Variants in GIMD1 observed in about 807,000 individuals in gnomAD.
GIMD1 encodes the protein GTPase IMAP family member GIMD1.
Under a neutral mutation model 14.9 loss-of-function variants are expected in GIMD1, and 14 were observed. The ratio of observed to expected loss-of-function variants is 0.94; its 90% CI spans 0.62 to 1.47. The LOEUF is 1.47. Among genes scored for constraint, GIMD1 ranks in the 40% most tolerant of loss-of-function variants. GIMD1 has a pLI of 0.00. For missense variants in GIMD1, 272 were observed against 255.3 expected, an observed-to-expected ratio of 1.07 and a Z score of -0.44; for synonymous variants, 91 against 90.5, an observed-to-expected ratio of 1.01 and a Z score of -0.03.
intron 2 of GIMD1, among the ~76,000 whole-genome samples, chr4:106,363,839 G>A (rs1770650832): frequency 7.5e-6 from 1 of 132,682 alleles, no homozygotes; most frequent in South Asian, 2.6e-4. Context: ...AAAAGTACAT[G>A]CTTGAAACTT....
chr4:106,367,068 ACTT>A lies in GIMD1; in HGVS notation c.365_367del (p.Glu122del). ...CTGGATCATCTGGACTGGGTCAGTT[ACTT>A]CCTGCCCACAGAAAGGCACATCTGC... is the stretch of plus-strand genomic sequence containing the variant. On this transcript the variant is annotated inframe_deletion, in exon 2 of 3. Transcript: ENST00000638719. The A allele has an allele frequency of 6.5e-7, 1 of 1,531,456 alleles. No individual in the cohort carries two copies. The highest frequency in any genetic ancestry group is 8.7e-7 in the Non-Finnish European group (1 of 1,144,414). 94.9% of individuals were successfully genotyped at this position (1,531,456 alleles called of 1,614,324 possible).
At chr4:106,360,228 C>T (rs1770593511) in intron 2 of GIMD1, among the ~76,000 whole-genome samples, 1 of 151,556 alleles carries the variant, frequency 6.6e-6, no homozygotes, top group Non-Finnish European at 1.5e-5. Flanking sequence ...AGGAATAGGC[C>T]CAAACTTTTT....
intron 2 of GIMD1, among the ~76,000 whole-genome samples, chr4:106,365,129 A>G (rs1770675728): frequency 6.6e-6 from 1 of 152,172 alleles, no homozygotes; most frequent in African/African-American, 2.4e-5. Context: ...CTGTCTAAAG[A>G]TTATACTGGT....
chr4:106,366,918 T>G, intron 2 of GIMD1, 125 bp downstream of exon 2: 1 of 306,680 alleles, frequency 3.3e-6, no homozygotes, highest in Admixed American at 5.2e-5. Flanking sequence ...TAAATTATTA[T>G]GTACTATATT....
At chr4:106,364,618 G>A (rs1176028662) in intron 2 of GIMD1, among the ~76,000 whole-genome samples, 2 of 152,176 alleles carry the variant, frequency 1.3e-5, no homozygotes, top group Admixed American at 6.5e-5. Flanking sequence ...GAATAGGTCT[G>A]CAGTGCTCCC....
Position 106,358,288 on chromosome 4 carries a change from G to GA in GIMD1, c.548dup (p.Gln184ProfsTer10). 6.5e-7 allele frequency: 1 copy of GA among 1,531,384 alleles called. No individual in the cohort carries two copies. The highest frequency in any genetic ancestry group is 8.7e-7 in the Non-Finnish European group (1 of 1,144,640). The allele number at this position is 1,531,384 out of a possible 1,614,324, so 94.9% of individuals were successfully genotyped here. A position where few individuals can be genotyped will look rare whatever the true frequency, so the allele number is the denominator to read the frequency against. ...TGAGTGATTTTCCTTTTTTGTACTG[G>GA]AAAACGTATTTGTGCTGAATAGAAT... is the stretch of plus-strand genomic sequence containing the variant. On this transcript the variant is annotated frameshift_variant, in exon 3 of 3. Transcript: ENST00000638719. LOFTEE classifies it high-confidence loss of function.
At chr4:106,360,642 C>A (rs1414231670) in intron 2 of GIMD1, among the ~76,000 whole-genome samples, 2 of 151,970 alleles carry the variant, frequency 1.3e-5, no homozygotes, top group Non-Finnish European at 2.9e-5. Context: ...GAAATAGGGT[C>A]ATTGCAAATA....
At chr4:106,360,393 A>G (rs1344915923) in intron 2 of GIMD1, among the ~76,000 whole-genome samples, 1 of 152,082 alleles carries the variant, frequency 6.6e-6, no homozygotes, top group Non-Finnish European at 1.5e-5. Context: ...TAAATTTTTA[A>G]AAAATTAGTA....
intron 2 of GIMD1, among the ~76,000 whole-genome samples, chr4:106,366,208 A>T (rs1466461794): frequency 1.3e-5 from 2 of 152,182 alleles, no homozygotes; most frequent in African/African-American, 4.8e-5. Context: ...TGATAAGGCA[A>T]GCAAAGAATC....
At chr4:106,367,772 GAGTTGGTT>G (rs1454219763) in intron 1 of GIMD1, among the ~76,000 whole-genome samples, 1 of 152,226 alleles carries the variant, frequency 6.6e-6, no homozygotes, top group Non-Finnish European at 1.5e-5. Context: ...TGTGGTAGGT[GAGTTGGTT>G]TAGGAAAAGG....
In GIMD1 at chr4:106,367,320, G is replaced by A; in HGVS notation, c.116C>T (p.Ala39Val). 6.5e-7 allele frequency: 1 copy of A among 1,536,014 alleles called. No homozygotes were observed. Among genetic ancestry groups the A allele is most frequent in the Non-Finnish European group, 8.7e-7 (1 of 1,146,852 alleles). ...LGSTDFHSSF[A>V]PCSVTTCCSL... ...ACAACATGTGGTCACAGAACAGGGAGCAAAGCTGCTGTGAAAGTCTGTGCT... is the reference window on the plus strand; with the variant it reads ...ACAACATGTGGTCACAGAACAGGGAACAAAGCTGCTGTGAAAGTCTGTGCT... Residue 39 changes from alanine to valine, a missense_variant, in exon 2 of 3, where the codon GCT becomes GTT. Transcript: ENST00000638719.
At chr4:106,360,931 T>G (rs983130902) in intron 2 of GIMD1, among the ~76,000 whole-genome samples, 5 of 151,968 alleles carry the variant, frequency 3.3e-5, no homozygotes, top group Non-Finnish European at 4.4e-5. Flanking sequence ...TTGTGGTACT[T>G]TGTTACAGGA....
At chr4:106,363,076 AT>A (rs1193579120) in intron 2 of GIMD1, among the ~76,000 whole-genome samples, 2 of 152,096 alleles carry the variant, frequency 1.3e-5, no homozygotes, top group Non-Finnish European at 2.9e-5. Flanking sequence ...GTTACTTCTT[AT>A]GTTTATAAAT....
At chr4:106,360,285 A>G (rs1770594339) in intron 2 of GIMD1, among the ~76,000 whole-genome samples, 1 of 152,056 alleles carries the variant, frequency 6.6e-6, no homozygotes. Context: ...CCATAGAATA[A>G]CTGCATATTT....
At chr4:106,360,516 G>C (rs946697180) in intron 2 of GIMD1, among the ~76,000 whole-genome samples, 1 of 151,986 alleles carries the variant, frequency 6.6e-6, no homozygotes, top group Non-Finnish European at 1.5e-5. Context: ...TGCTGGAAGA[G>C]GAGTCACAGA....
chr4:106,366,497 A>C (rs772075621), intron 2 of GIMD1, among the ~76,000 whole-genome samples: 1 of 152,200 alleles, frequency 6.6e-6, no homozygotes, highest in Admixed American at 6.5e-5. Context: ...CTGGTGAACT[A>C]TAAGAGATTG....
At chr4:106,367,526 G>T (rs1163963833) in intron 1 of GIMD1, 89 bp from the exon 2 acceptor site, 1 of 1,259,710 alleles carries the variant, frequency 7.9e-7, no homozygotes, top group Non-Finnish European at 1.1e-6. Context: ...TGCACTCCAA[G>T]TACGATTTTA....
intron 2 of GIMD1, among the ~76,000 whole-genome samples, chr4:106,366,704 C>A (rs1770703818): frequency 6.6e-6 from 1 of 152,078 alleles, no homozygotes; most frequent in Non-Finnish European, 1.5e-5. Context: ...AGTCCAGGGA[C>A]AACATGTTAC....
chr4:106,361,524 T>C (rs1031299085), intron 2 of GIMD1, among the ~76,000 whole-genome samples: 1 of 152,080 alleles, frequency 6.6e-6, no homozygotes, highest in Non-Finnish European at 1.5e-5. Flanking sequence ...ATTTTATTTC[T>C]AAACAAGTAC....
Sources: allele counts gnomAD v4.1 joint callset (sites outside exome capture counted in the v4.1 genomes callset), GRCh38; gene constraint gnomAD v4.1.1; transcripts MANE v1.5; gene names NCBI Gene and HGNC (gene_info 2026-07-23, HGNC 2026-07-21).